The following DNAH11 variants were observed in gnomAD, a reference collection of about 807,000 sequenced individuals.
DNAH11 encodes the protein axonemal beta dynein heavy chain 11.
In DNAH11, 442 loss-of-function variants were observed where a neutral mutation model predicts 526.0. The ratio of observed to expected loss-of-function variants is 0.84; its 90% CI spans 0.78 to 0.91. DNAH11 has a LOEUF of 0.91. Among genes scored for constraint, DNAH11 ranks in the 40% least tolerant of loss-of-function variants. The pLI, the probability that DNAH11 is intolerant of heterozygous loss-of-function variation, is 0.00. For synonymous variants in DNAH11, 2,461 were observed against 1,935.9 expected (o/e 1.27, Z -7.12); for missense variants, 6,989 against 5,448.7 (o/e 1.28, Z -8.90).
Position 21,880,889 on chromosome 7 carries a change from C to A in DNAH11, c.12383C>A (p.Ser4128Tyr). Reference protein sequence around the residue: ...SVLYNYLEANSKVPWEDLRYL... With the variant: ...SVLYNYLEANYKVPWEDLRYL... Reference sequence around the variant, plus strand: ...CTCTACAACTACTTAGAGGCAAACTCTAAAGTAAGTGCTAGTGGTCAAATA... The same window carrying A: ...CTCTACAACTACTTAGAGGCAAACTATAAAGTAAGTGCTAGTGGTCAAATA... Residue 4128 changes from serine (S) to tyrosine (Y), a missense_variant, in exon 75 of 82, where the codon TCT (serine) becomes TAT (tyrosine). Physicochemically the swap from Ser to Tyr is moderately radical, Grantham distance 144. Coordinates refer to ENST00000409508, the MANE Select transcript of DNAH11 (RefSeq NM_001277115.2). The A allele has an allele frequency of 6.3e-7, 1 of 1,599,486 alleles. No individual in the cohort carries two copies. Among genetic ancestry groups the A allele is most frequent in the South Asian group, 1.1e-5 (1 of 87,248 alleles).
At chr7:21,661,449 T>A (rs1782240013) in intron 30 of DNAH11, among the ~76,000 whole-genome samples, 2 of 152,092 alleles carry the variant, frequency 1.3e-5, no homozygotes, top group South Asian at 4.1e-4. Context: ...TTGATAGTTT[T>A]TTTTAATACC....
At chr7:21,815,807 A>C (rs968309693) in intron 63 of DNAH11, among the ~76,000 whole-genome samples, 5 of 152,144 alleles carry the variant, frequency 3.3e-5, no homozygotes, top group Admixed American at 3.3e-4. Context: ...TTTTATAAAG[A>C]AGTATCCTTA....
intron 27 of DNAH11, among the ~76,000 whole-genome samples, chr7:21,638,181 C>T (rs542825679): frequency 2.1e-4 from 32 of 152,118 alleles, no homozygotes; most frequent in East Asian, 3.9e-4. Flanking sequence ...AGTTAGTGGT[C>T]GTAAGAATAT....
At chr7:21,574,560 CTTCCTT>C (rs1422955948) in intron 8 of DNAH11, among the ~76,000 whole-genome samples, 1 of 137,658 alleles carries the variant, frequency 7.3e-6, no homozygotes, top group African/African-American at 3.0e-5. Context: ...CCCTCCCTTC[CTTCCTT>C]TTTTTTTTTT....
rs182325002 is a variant in DNAH11, at chr7:21,559,108, G to A, written c.692+110G>A. ...GGAGGCTGAGGTGGGAGGGTTGCTTGATCCCAGGAGTTCAAGACTAGCCTG... is the reference window on the plus strand; with the variant it reads ...GGAGGCTGAGGTGGGAGGGTTGCTTAATCCCAGGAGTTCAAGACTAGCCTG... On this transcript the variant is annotated intron_variant, in intron 3 of 81. Coordinates refer to ENST00000409508, the MANE Select transcript of DNAH11 (RefSeq NM_001277115.2). The A allele has an allele frequency of 5.5e-5, 47 of 850,864 alleles. No individual in the cohort carries two copies. In the African/African-American group the frequency reaches 7.8e-4, roughly 14 times the overall value. The allele number at this position is 850,864 out of a possible 1,614,324, so 52.7% of individuals were successfully genotyped here. A position where few individuals can be genotyped will look rare whatever the true frequency, so the allele number is the denominator to read the frequency against.
At chr7:21,638,579 C>G (rs772967136) in intron 27 of DNAH11, among the ~76,000 whole-genome samples, 1 of 152,040 alleles carries the variant, frequency 6.6e-6, no homozygotes, top group Non-Finnish European at 1.5e-5. Context: ...ATTTTGCTCT[C>G]AGGTTGAAGG....
At chr7:21,878,314 T>A (rs928390439) in intron 74 of DNAH11, among the ~76,000 whole-genome samples, 6 of 152,244 alleles carry the variant, frequency 3.9e-5, no homozygotes, top group African/African-American at 1.4e-4. Context: ...GTCATTTATA[T>A]AAAGTACAGA....
At chr7:21,726,180 C>G (rs1171785851) in intron 45 of DNAH11, among the ~76,000 whole-genome samples, 196 bp downstream of exon 45, 4 of 152,114 alleles carry the variant, frequency 2.6e-5, no homozygotes, top group East Asian at 1.9e-4. Flanking sequence ...GAAGCGGACA[C>G]TTCACTTGGC....
At chr7:21,673,341 T>G (rs1171145794) in intron 30 of DNAH11, among the ~76,000 whole-genome samples, 4 of 152,216 alleles carry the variant, frequency 2.6e-5, no homozygotes, top group Admixed American at 6.5e-5. Flanking sequence ...ACTGGAATAC[T>G]AATCGTGCCT....
rs71557520 is a variant in DNAH11 at position 21,765,610 on chromosome 7, T to TCAGACACACACACACACA, written c.9102+23_9102+24insGACACACACACACACACA. 20 of 905,318 alleles carry TCAGACACACACACACACA rather than the reference T, an allele frequency of 2.2e-5. No individual in the cohort carries two copies. The African/African-American group carries it at 3.3e-4, about 15-fold the overall frequency. 56.1% of individuals were successfully genotyped at this position (905,318 alleles called of 1,614,324 possible). On this transcript the variant is annotated intron_variant, in intron 55 of 81. Coordinates refer to ENST00000409508, the MANE Select transcript of DNAH11 (RefSeq NM_001277115.2). The stretch of plus-strand genomic sequence containing the variant: ...TTGAGGTATGCCGTGTCAGCCTGCG[T>TCAGACACACACACACACA]CACACACACACACACACACACACAC...
At chr7:21,764,227 A>G (rs966565764) in intron 54 of DNAH11, among the ~76,000 whole-genome samples, 2 of 152,196 alleles carry the variant, frequency 1.3e-5, no homozygotes, top group African/African-American at 4.8e-5. Context: ...TAATATTTAT[A>G]TAGCTTGAAT....
rs778057429 is a variant in DNAH11, at chr7:21,784,484, C to A, written c.9541C>A (p.Leu3181Ile). Residue 3181 changes from leucine to isoleucine, a missense_variant, in exon 58 of 82, where the codon CTC (leucine) becomes ATC (isoleucine). Coordinates refer to ENST00000409508, the MANE Select transcript of DNAH11 (RefSeq NM_001277115.2). ...QKQRECEADL[L>I]KAEPALVAAT... Reference sequence around the variant, plus strand: ...ACAGAGAGAATGTGAAGCTGACTTACTCAAGGCTGAGCCTGCACTGGTGGC... The same window carrying A: ...ACAGAGAGAATGTGAAGCTGACTTAATCAAGGCTGAGCCTGCACTGGTGGC... 2.5e-6 allele frequency: 4 copies of A among 1,613,438 alleles called. No individual in the cohort carries two copies. The Admixed American group carries it at 6.7e-5, about 27-fold the overall frequency.
intron 35 of DNAH11, among the ~76,000 whole-genome samples, chr7:21,697,810 G>A (rs925381412): frequency 1.1e-4 from 17 of 152,126 alleles, no homozygotes; most frequent in African/African-American, 1.9e-4. Flanking sequence ...TACACCAGAC[G>A]TTTACAGAAT....
chr7:21,667,547 G>A lies in DNAH11; in HGVS notation c.5328+8516G>A, dbSNP rs940967005. 2.2e-4 allele frequency among the ~76,000 whole-genome samples: 34 copies of A among 152,110 alleles called. 1 individual carries two copies. The highest frequency in any genetic ancestry group is 8.0e-4 in the African/African-American group (33 of 41,440). On this transcript the variant is annotated intron_variant, in intron 30 of 81. Coordinates refer to ENST00000409508, the MANE Select transcript of DNAH11 (RefSeq NM_001277115.2). ...TAGAGAAAGAAGCAGAACAAATCCT[G>A]AAGTAACTGAAGATCCCCACAATGA...
chr7:21,791,776 C>T (rs537539620), intron 61 of DNAH11, among the ~76,000 whole-genome samples: 4 of 152,094 alleles, frequency 2.6e-5, no homozygotes, highest in Non-Finnish European at 4.4e-5. Flanking sequence ...TAGAAAAATC[C>T]ATATGTAAGT....
intron 66 of DNAH11, among the ~76,000 whole-genome samples, chr7:21,845,806 C>T (rs1219232174): frequency 6.6e-6 from 1 of 152,088 alleles, no homozygotes; most frequent in East Asian, 1.9e-4. Context: ...AAAGGAATGA[C>T]TTAACAATAA....
intron 68 of DNAH11, 88 bp downstream of exon 68, chr7:21,854,543 A>T (rs1194181552): frequency 1.5e-6 from 2 of 1,309,768 alleles, no homozygotes; most frequent in Admixed American, 4.9e-5. Flanking sequence ...TATTGATAAT[A>T]ATAATAACTA....
chr7:21,601,283 A>T (rs1436353011), intron 17 of DNAH11, 104 bp downstream of exon 17: 1 of 1,444,142 alleles, frequency 6.9e-7, no homozygotes, highest in Admixed American at 2.3e-5. Context: ...CATGATAGAG[A>T]TAAATGTTTA....
At chr7:21,740,180 T>C (rs1422958473) in intron 48 of DNAH11, among the ~76,000 whole-genome samples, 1 of 149,458 alleles carries the variant, frequency 6.7e-6, no homozygotes, top group Non-Finnish European at 1.5e-5. Flanking sequence ...GAGTCCCTGG[T>C]AACAATTGAT....
Sources: allele counts gnomAD v4.1 joint callset (sites outside exome capture counted in the v4.1 genomes callset), GRCh38; gene constraint gnomAD v4.1.1; transcripts MANE v1.5; gene names NCBI Gene and HGNC (gene_info 2026-07-23, HGNC 2026-07-21).